The following FAM184A variants were observed in gnomAD, a reference collection of about 807,000 sequenced individuals.
FAM184A encodes protein FAM184A.
Under a neutral mutation model 143.8 loss-of-function variants are expected in FAM184A, and 99 were observed. That is an observed-to-expected ratio of 0.69 (90% CI 0.58 to 0.81). The LOEUF is 0.81. Ranked by LOEUF, FAM184A falls within the 40% of genes least tolerant of loss-of-function variation. FAM184A has a pLI of 0.00. For missense variants in FAM184A, 1,217 were observed against 1,310.5 expected (o/e 0.93, Z 1.10); for synonymous variants, 427 against 446.4 (o/e 0.96, Z 0.55).
intron 2 of FAM184A, among the ~76,000 whole-genome samples, chr6:119,023,505 C>CTT (rs997537560): frequency 5.3e-5 from 8 of 150,238 alleles, no homozygotes; most frequent in Non-Finnish European, 1.0e-4. Flanking sequence ...TGTATTTAAA[C>CTT]TTTAAGCCCA....
At chr6:119,016,032 G>A (rs1785237647) in intron 5 of FAM184A, among the ~76,000 whole-genome samples, 2 of 152,164 alleles carry the variant, frequency 1.3e-5, no homozygotes, top group African/African-American at 2.4e-5. Context: ...TTTAGCTCAA[G>A]GTTTGTGAGT....
intron 1 of FAM184A, among the ~76,000 whole-genome samples, chr6:119,090,746 T>A (rs1157221207): frequency 6.6e-6 from 1 of 152,086 alleles, no homozygotes; most frequent in Non-Finnish European, 1.5e-5. Context: ...CCATTCCAGA[T>A]TTTTTTTACC....
chr6:118,989,065 C>G (rs1477446848), intron 9 of FAM184A, among the ~76,000 whole-genome samples: 1 of 148,674 alleles, frequency 6.7e-6, no homozygotes. Context: ...GGGTTCAAGT[C>G]ATTCTCCTGC....
At chr6:118,986,855 T>C (rs1267653052) in intron 9 of FAM184A, among the ~76,000 whole-genome samples, 2 of 152,324 alleles carry the variant, frequency 1.3e-5, no homozygotes, top group Middle Eastern at 3.4e-3. Context: ...ATGCCAAAAT[T>C]TGTACTATGC....
intron 14 of FAM184A, among the ~76,000 whole-genome samples, chr6:118,969,150 C>T (rs1276642543): frequency 1.3e-5 from 2 of 152,082 alleles, no homozygotes; most frequent in East Asian, 3.8e-4. Flanking sequence ...TTCCTGTCAC[C>T]ATGTGAATAA....
intron 1 of FAM184A, among the ~76,000 whole-genome samples, chr6:119,123,790 G>A (rs1460406428): frequency 6.6e-6 from 1 of 152,098 alleles, no homozygotes; most frequent in East Asian, 1.9e-4. Flanking sequence ...TAGGTGTTTG[G>A]GTCACAGAAT....
intron 1 of FAM184A, among the ~76,000 whole-genome samples, chr6:119,148,068 C>A: frequency 6.6e-6 from 1 of 152,196 alleles, no homozygotes; most frequent in East Asian, 1.9e-4. Flanking sequence ...AACCTATAAC[C>A]TGCTTACTGT....
At chr6:119,006,893 C>T (rs891281145) in intron 6 of FAM184A, among the ~76,000 whole-genome samples, 1 of 151,670 alleles carries the variant, frequency 6.6e-6, no homozygotes, top group Non-Finnish European at 1.5e-5. Context: ...AATAAAATAC[C>T]TATAAGAAGC....
At chr6:118,999,201 G>A (rs1784670523) in intron 9 of FAM184A, among the ~76,000 whole-genome samples, 1 of 152,112 alleles carries the variant, frequency 6.6e-6, no homozygotes, top group South Asian at 2.1e-4. Context: ...AGGTTGAGGG[G>A]AGCTGGCGGT....
chr6:119,018,632 T>G (rs1455722573), intron 4 of FAM184A, among the ~76,000 whole-genome samples: 1 of 152,164 alleles, frequency 6.6e-6, no homozygotes, highest in Non-Finnish European at 1.5e-5. Flanking sequence ...TTTAAGCAAA[T>G]TATATACTTT....
At chr6:119,015,533 T>G (rs1785216995) in intron 5 of FAM184A, among the ~76,000 whole-genome samples, 1 of 152,170 alleles carries the variant, frequency 6.6e-6, no homozygotes, top group Non-Finnish European at 1.5e-5. Context: ...CTGCACTCGA[T>G]TTTTTGCCGG....
intron 1 of FAM184A, among the ~76,000 whole-genome samples, chr6:119,129,147 C>G (rs1200115348): frequency 6.6e-6 from 1 of 152,174 alleles, no homozygotes; most frequent in Admixed American, 6.5e-5. Flanking sequence ...CTTTCCAGGT[C>G]GAACCAATGT....
At chr6:119,145,618 G>T (rs1772400114) in intron 1 of FAM184A, among the ~76,000 whole-genome samples, 1 of 152,192 alleles carries the variant, frequency 6.6e-6, no homozygotes, top group African/African-American at 2.4e-5. Flanking sequence ...ATTTTCAGTA[G>T]TCTGCAAATC....
intron 1 of FAM184A, among the ~76,000 whole-genome samples, chr6:119,038,256 G>C (rs1231750209): frequency 6.6e-6 from 1 of 152,156 alleles, no homozygotes; most frequent in Non-Finnish European, 1.5e-5. Context: ...TGTAGGCTTG[G>C]GGATGCTGGA....
At position 118,961,831 on chromosome 6, in the gene FAM184A, C is replaced by T. The variant is rs575022229; in HGVS notation, c.3271G>A (p.Asp1091Asn). The T allele has an allele frequency of 7.4e-6, 12 of 1,613,880 alleles. No homozygotes were observed. Among genetic ancestry groups the T allele is most frequent in the Admixed American group, 3.3e-5 (2 of 59,968 alleles). Reference sequence around the variant, plus strand: ...GGTTTGCTGCTGTTGAACTCAATATCGTGGACTGGAGAATTAGGAATGGGA... The same window carrying T: ...GGTTTGCTGCTGTTGAACTCAATATTGTGGACTGGAGAATTAGGAATGGGA... ...LDPIPNSPVH[D>N]IEFNSSKPLP... Residue 1091 changes from aspartate to asparagine, a missense_variant, in exon 17 of 18, where the codon GAT becomes AAT. By Grantham distance (23) the Asp-to-Asn change is conservative. Coordinates refer to ENST00000338891, the MANE Select transcript of FAM184A (RefSeq NM_024581.6).
chr6:119,025,430 A>G, intron 1 of FAM184A: 1 of 518,492 alleles, frequency 1.9e-6, no homozygotes. Flanking sequence ...TCCAATTTGT[A>G]CTTTTTCTCT....
At chr6:119,015,543 G>T (rs1172813576) in intron 5 of FAM184A, among the ~76,000 whole-genome samples, 1 of 152,204 alleles carries the variant, frequency 6.6e-6, no homozygotes, top group African/African-American at 2.4e-5. Context: ...TTTTTTGCCG[G>T]GCCTTAGCTG....
chr6:118,981,415 G>A (rs1351429645), intron 9 of FAM184A, among the ~76,000 whole-genome samples: 1 of 152,072 alleles, frequency 6.6e-6, no homozygotes, highest in Non-Finnish European at 1.5e-5. Context: ...TTTATATACT[G>A]GTAAAACAGT....
intron 1 of FAM184A, among the ~76,000 whole-genome samples, chr6:119,048,718 T>C (rs998114129): frequency 1.3e-5 from 2 of 152,044 alleles, no homozygotes; most frequent in Non-Finnish European, 2.9e-5. Context: ...ATCAATACAA[T>C]TGAACTCATG....
Sources: gnomAD v4.1 joint callset for allele counts (sites outside exome capture counted in the v4.1 genomes callset) on GRCh38, gnomAD v4.1.1 for gene constraint, MANE v1.5 for transcripts, NCBI Gene and HGNC (gene_info 2026-07-23, HGNC 2026-07-21) for gene names.